The following NRG3 variants were observed in gnomAD, a reference collection of about 807,000 sequenced individuals.
NRG3 encodes the protein pro-neuregulin-3, membrane-bound isoform.
In NRG3, 31 loss-of-function variants were observed where a neutral mutation model predicts 66.9. The ratio of observed to expected loss-of-function variants is 0.46; its 90% CI spans 0.35 to 0.63. The LOEUF (loss-of-function observed/expected upper bound fraction) is 0.63, where lower values mean the gene tolerates loss of function less well. Ranked by LOEUF, NRG3 falls within the 20% of genes least tolerant of loss-of-function variation. NRG3 has a pLI of 0.00. For synonymous variants in NRG3, 393 were observed against 359.4 expected (o/e 1.09, Z -1.06); for missense variants, 910 against 878.9 (o/e 1.04, Z -0.45).
chr10:82,662,359 T>TA (rs1591068738), intron 2 of NRG3, among the ~76,000 whole-genome samples: 3 of 150,276 alleles, frequency 2.0e-5, no homozygotes, highest in African/African-American at 4.9e-5. Context: ...ACAGACTCTT[T>TA]TAAAAAAAAA....
At chr10:82,484,865 A>G (rs1186105699) in intron 2 of NRG3, among the ~76,000 whole-genome samples, 1 of 152,222 alleles carries the variant, frequency 6.6e-6, no homozygotes, top group Non-Finnish European at 1.5e-5. Flanking sequence ...TAAAGAGAAC[A>G]GTAATGTCTT....
At chr10:82,715,009 C>A (rs989364044) in intron 2 of NRG3, among the ~76,000 whole-genome samples, 4 of 152,110 alleles carry the variant, frequency 2.6e-5, no homozygotes, top group African/African-American at 9.7e-5. Context: ...TAGAGATGTT[C>A]ATTTCCTATT....
intron 2 of NRG3, among the ~76,000 whole-genome samples, chr10:82,389,930 G>A (rs1361504958): frequency 3.3e-5 from 5 of 152,090 alleles, no homozygotes; most frequent in Admixed American, 2.0e-4. Flanking sequence ...CTATTAGAGC[G>A]GCTACTTGGG....
chr10:82,980,041 C>T (rs1168423840), intron 8 of NRG3, among the ~76,000 whole-genome samples: 2 of 151,646 alleles, frequency 1.3e-5, no homozygotes, highest in Non-Finnish European at 2.9e-5. Flanking sequence ...CCATCTCTAA[C>T]AAAAATACAA....
chr10:82,275,668 A>G (rs1352028096), intron 1 of NRG3, among the ~76,000 whole-genome samples: 1 of 151,972 alleles, frequency 6.6e-6, no homozygotes, highest in Non-Finnish European at 1.5e-5. Context: ...AGCCAGTAGA[A>G]ATACTGACTC....
chr10:82,834,869 C>A (rs547535379), intron 3 of NRG3, among the ~76,000 whole-genome samples: 2 of 152,302 alleles, frequency 1.3e-5, no homozygotes, highest in Admixed American at 1.3e-4. Context: ...ACACTTAGAG[C>A]CACTCCTCAC....
Position 82,930,932 on chromosome 10 carries a change from G to T in NRG3, c.1055-20537G>T, listed in dbSNP as rs539982396. ...TTTGGTGGATGGATTGAGAGAAGCAGGGAGGCCTTTCCAGGCAGAAGGAAC... is the reference window on the plus strand; with the variant it reads ...TTTGGTGGATGGATTGAGAGAAGCATGGAGGCCTTTCCAGGCAGAAGGAAC... On this transcript the variant is annotated intron_variant, in intron 4 of 8. Coordinates refer to ENST00000372141, the MANE Select transcript of NRG3 (RefSeq NM_001010848.4). 2.0e-5 allele frequency among the ~76,000 whole-genome samples: 3 copies of T among 152,306 alleles called. No homozygotes were observed. In the East Asian group the frequency reaches 5.8e-4, roughly 29 times the overall value.
chr10:82,614,171 T>C (rs1409326528), intron 2 of NRG3, among the ~76,000 whole-genome samples: 1 of 152,176 alleles, frequency 6.6e-6, no homozygotes, highest in African/African-American at 2.4e-5. Context: ...GCTCTGGGAT[T>C]ATAGGCGTGA....
intron 1 of NRG3, among the ~76,000 whole-genome samples, chr10:82,129,989 C>A (rs2068705909): frequency 6.6e-6 from 1 of 152,008 alleles, no homozygotes; most frequent in Non-Finnish European, 1.5e-5. Context: ...ACTTTCCCTG[C>A]CCATTAACCA....
chr10:81,982,297 A>G (rs116578156), intron 1 of NRG3, among the ~76,000 whole-genome samples: 2,316 of 152,222 alleles, frequency 0.015, 61 homozygotes, highest in African/African-American at 0.053. Flanking sequence ...CAAAAAATAT[A>G]TTTCTAATTT....
chr10:82,700,009 T>G (rs762923629), intron 2 of NRG3, among the ~76,000 whole-genome samples: 2 of 152,114 alleles, frequency 1.3e-5, no homozygotes, highest in Non-Finnish European at 2.9e-5. Flanking sequence ...AGATAAGCCA[T>G]CACACTTTGA....
chr10:82,208,587 T>C (rs1818782500), intron 1 of NRG3, among the ~76,000 whole-genome samples: 1 of 152,108 alleles, frequency 6.6e-6, no homozygotes, highest in African/African-American at 2.4e-5. Flanking sequence ...AGGAGCTCTG[T>C]TCTTTGGTCT....
intron 1 of NRG3, among the ~76,000 whole-genome samples, chr10:82,184,569 T>C (rs2073674757): frequency 6.6e-6 from 1 of 152,174 alleles, no homozygotes; most frequent in Non-Finnish European, 1.5e-5. Flanking sequence ...ACTTTCTATA[T>C]GTAAAAGAAA....
intron 1 of NRG3, among the ~76,000 whole-genome samples, chr10:81,879,990 T>G (rs1842033614): frequency 6.6e-6 from 1 of 152,196 alleles, no homozygotes; most frequent in South Asian, 2.1e-4. Context: ...GATTCAGAGC[T>G]CAGGATCAAT....
At chr10:81,965,415 T>C (rs2059694998) in intron 1 of NRG3, among the ~76,000 whole-genome samples, 1 of 152,206 alleles carries the variant, frequency 6.6e-6, no homozygotes, top group Admixed American at 6.5e-5. Context: ...ATAGAGTTTA[T>C]ATTTTTTCTT....
intron 2 of NRG3, among the ~76,000 whole-genome samples, chr10:82,516,124 T>A (rs950081401): frequency 1.3e-5 from 2 of 152,026 alleles, no homozygotes; most frequent in Non-Finnish European, 2.9e-5. Flanking sequence ...GGTGTCTATT[T>A]TGAATGGTTG....
chr10:81,901,995 G>A (rs569094049), intron 1 of NRG3, among the ~76,000 whole-genome samples: 2 of 152,256 alleles, frequency 1.3e-5, no homozygotes, highest in Admixed American at 6.5e-5. Context: ...TTATAAGCAG[G>A]TAACTTCCTG....
At chr10:82,882,761 G>A (rs948227539) in intron 4 of NRG3, among the ~76,000 whole-genome samples, 4 of 152,054 alleles carry the variant, frequency 2.6e-5, no homozygotes, top group African/African-American at 9.7e-5. Flanking sequence ...AGTTTGTGTA[G>A]GACTTCCATA....
rs76478026 is a variant in NRG3, at chr10:82,100,341, A to G, written c.823+224178A>G. Among the ~76,000 whole-genome samples, 651 of 152,072 alleles carry G rather than the reference A, an allele frequency of 4.3e-3. 7 individuals are homozygous for G. The highest frequency in any genetic ancestry group is 0.015 in the African/African-American group (622 of 41,524). The stretch of plus-strand genomic sequence containing the variant: ...TATTAATAGGAACAATGTTCTTTCT[A>G]TCTTCCAAGTCTTTGTATATCTCCC... On this transcript the variant is annotated intron_variant, in intron 1 of 8. Coordinates refer to ENST00000372141, the MANE Select transcript of NRG3 (RefSeq NM_001010848.4).
Sources: gnomAD v4.1 joint callset for allele counts (sites outside exome capture counted in the v4.1 genomes callset) on GRCh38, gnomAD v4.1.1 for gene constraint, MANE v1.5 for transcripts, NCBI Gene and HGNC (gene_info 2026-07-23, HGNC 2026-07-21) for gene names.